RBFOX1: variants seen among roughly 807,000 people sequenced by gnomAD.
RBFOX1 encodes the protein RNA binding protein fox-1 homolog 1.
RBFOX1 carries 8 observed loss-of-function variants against 57.7 expected under a neutral mutation model. That is an observed-to-expected ratio of 0.14 (90% CI 0.08 to 0.25). RBFOX1 has a LOEUF of 0.25. Among genes scored for constraint, RBFOX1 ranks in the 10% least tolerant of loss-of-function variants. The probability of loss-of-function intolerance (pLI) is 1.00; values close to 1 mark genes in which losing one functional copy is unlikely to be tolerated. For synonymous variants in RBFOX1, 326 were observed against 222.4 expected, an observed-to-expected ratio of 1.47 and a Z score of -4.15; for missense variants, 611 against 548.5, an observed-to-expected ratio of 1.11 and a Z score of -1.14.
chr16:5,775,065 C>A (rs113204484), intron 3 of RBFOX1, among the ~76,000 whole-genome samples: 4,790 of 152,242 alleles, frequency 0.031, 259 homozygotes, highest in African/African-American at 0.11. Flanking sequence ...TGGAAAATCT[C>A]CACAGTGCTT....
chr16:7,660,375 A>G (rs1247588631), intron 12 of RBFOX1, among the ~76,000 whole-genome samples: 1 of 152,232 alleles, frequency 6.6e-6, no homozygotes, highest in Non-Finnish European at 1.5e-5. Flanking sequence ...TTAGTGCGCA[A>G]TGGTAACTCC....
chr16:6,939,952 T>C (rs2078069646), intron 3 of RBFOX1, among the ~76,000 whole-genome samples: 2 of 152,228 alleles, frequency 1.3e-5, no homozygotes, highest in Non-Finnish European at 2.9e-5. Flanking sequence ...ATAGCAGGAA[T>C]GACATGGGTG....
At chr16:6,874,645 C>G (rs181920472) in intron 3 of RBFOX1, among the ~76,000 whole-genome samples, 4 of 151,586 alleles carry the variant, frequency 2.6e-5, no homozygotes, top group Admixed American at 1.3e-4. Context: ...CTCCCACTTA[C>G]AATGGTTTTC....
chr16:5,267,527 G>A (rs1372053366), intron 1 of RBFOX1, among the ~76,000 whole-genome samples: 5 of 151,570 alleles, frequency 3.3e-5, no homozygotes. Flanking sequence ...CAAACTCCTG[G>A]CCTGAAGTGA....
chr16:7,318,464 G>C (rs2096485344), intron 4 of RBFOX1, among the ~76,000 whole-genome samples: 1 of 152,154 alleles, frequency 6.6e-6, no homozygotes, highest in Non-Finnish European at 1.5e-5. Flanking sequence ...TTTGGTTCAA[G>C]TCTACCACTT....
At chr16:5,355,638 G>C (rs1031043808) in intron 1 of RBFOX1, among the ~76,000 whole-genome samples, 1 of 152,192 alleles carries the variant, frequency 6.6e-6, no homozygotes, top group African/African-American at 2.4e-5. Context: ...GTAGTGGGTT[G>C]AGGAGCGTCT....
At chr16:6,148,286 C>T (rs2096773550) in intron 1 of RBFOX1, among the ~76,000 whole-genome samples, 1 of 152,238 alleles carries the variant, frequency 6.6e-6, no homozygotes, top group Admixed American at 6.5e-5. Context: ...AAGATAGCGC[C>T]ACTGCACTCC....
chr16:6,068,287 G>C (rs1392366958), intron 1 of RBFOX1, among the ~76,000 whole-genome samples: 1 of 152,162 alleles, frequency 6.6e-6, no homozygotes, highest in Non-Finnish European at 1.5e-5. Flanking sequence ...TTTCAGGAAT[G>C]TGGCAGGCCA....
chr16:7,174,906 A>G (rs1239211687), intron 4 of RBFOX1, among the ~76,000 whole-genome samples: 3 of 152,184 alleles, frequency 2.0e-5, no homozygotes, highest in South Asian at 2.1e-4. Context: ...AACTATTTGT[A>G]TTACTTATCT....
intron 3 of RBFOX1, among the ~76,000 whole-genome samples, chr16:5,705,132 A>G (rs1219879436): frequency 1.3e-5 from 2 of 152,186 alleles, no homozygotes; most frequent in Non-Finnish European, 1.5e-5. Flanking sequence ...GGTAAAATAA[A>G]TCATTTGGTT....
At chr16:7,526,157 A>G (rs2078659372) in intron 5 of RBFOX1, among the ~76,000 whole-genome samples, 2 of 152,176 alleles carry the variant, frequency 1.3e-5, no homozygotes, top group African/African-American at 4.8e-5. Context: ...CCTTATGAGA[A>G]TCTAATGCTT....
At chr16:5,618,931 C>T (rs2048124944) in intron 3 of RBFOX1, among the ~76,000 whole-genome samples, 1 of 152,168 alleles carries the variant, frequency 6.6e-6, no homozygotes, top group South Asian at 2.1e-4. Context: ...CCAGGTAGGG[C>T]AGATGACTTT....
At chr16:6,437,865 C>T (rs75217323) in intron 2 of RBFOX1, among the ~76,000 whole-genome samples, 7,677 of 152,170 alleles carry the variant, frequency 0.05, 678 homozygotes, top group African/African-American at 0.17. Context: ...TCAGTCACGT[C>T]CCACCAGCTC....
intron 3 of RBFOX1, among the ~76,000 whole-genome samples, chr16:6,908,084 A>T (rs1415157560): frequency 6.6e-6 from 1 of 151,802 alleles, no homozygotes; most frequent in East Asian, 1.9e-4. Flanking sequence ...ATTTCCAATA[A>T]GGTCACATTC....
At chr16:5,968,383 C>T (rs1271186859) in intron 4 of RBFOX1, among the ~76,000 whole-genome samples, 1 of 152,092 alleles carries the variant, frequency 6.6e-6, no homozygotes, top group African/African-American at 2.4e-5. Context: ...CTCTCCAGTA[C>T]ATTTTTAGGG....
chr16:6,902,234 T>A (rs1432263059), intron 3 of RBFOX1, among the ~76,000 whole-genome samples: 5 of 152,190 alleles, frequency 3.3e-5, no homozygotes, highest in Admixed American at 3.3e-4. Flanking sequence ...TGGAATTACA[T>A]GTAACTCACA....
At chr16:6,730,702 A>C (rs113886627) in intron 3 of RBFOX1, among the ~76,000 whole-genome samples, 167 of 152,310 alleles carry the variant, frequency 1.1e-3, no homozygotes, top group African/African-American at 3.9e-3. Context: ...CCACTGTCCA[A>C]ACGATTTTTA....
At chr16:6,573,204 C>G (rs1358988207) in intron 2 of RBFOX1, among the ~76,000 whole-genome samples, 1 of 152,140 alleles carries the variant, frequency 6.6e-6, no homozygotes, top group Admixed American at 6.5e-5. Context: ...AGTGCCCTTT[C>G]AGTAGACAAC....
chr16:7,242,730 C>A (rs369117356), intron 4 of RBFOX1, among the ~76,000 whole-genome samples: 1 of 152,184 alleles, frequency 6.6e-6, no homozygotes, highest in East Asian at 1.9e-4. Context: ...GATTGAGTGG[C>A]CACGTGCATG....
Sources: gnomAD v4.1 joint callset for allele counts (sites outside exome capture counted in the v4.1 genomes callset) on GRCh38, gnomAD v4.1.1 for gene constraint, MANE v1.5 for transcripts, NCBI Gene and HGNC (gene_info 2026-07-23, HGNC 2026-07-21) for gene names.